Variants in PARD3B observed in about 807,000 individuals in gnomAD.
The protein encoded by PARD3B is par-3 family cell polarity regulator beta, also known as partitioning defective 3 homolog B.
Under a neutral mutation model 130.2 loss-of-function variants are expected in PARD3B, and 103 were observed. That is an observed-to-expected ratio of 0.79 (90% CI 0.67 to 0.93). PARD3B has a LOEUF of 0.93. Ranked by LOEUF, PARD3B falls within the 40% of genes least tolerant of loss-of-function variation. The probability of loss-of-function intolerance (pLI) is 0.00; values close to 1 mark genes in which losing one functional copy is unlikely to be tolerated. For missense variants in PARD3B, 1,609 were observed against 1,499.2 expected, an observed-to-expected ratio of 1.07 and a Z score of -1.21; for synonymous variants, 583 against 553.2, an observed-to-expected ratio of 1.05 and a Z score of -0.76.
chr2:205,443,008 A>G (rs1038869844), intron 20 of PARD3B, among the ~76,000 whole-genome samples: 5 of 152,288 alleles, frequency 3.3e-5, no homozygotes, highest in African/African-American at 1.2e-4. Context: ...ACTCAGAATT[A>G]TCTTTATCCT....
chr2:204,821,017 G>T (rs1277259366), intron 2 of PARD3B, among the ~76,000 whole-genome samples: 2 of 152,224 alleles, frequency 1.3e-5, no homozygotes, highest in Non-Finnish European at 2.9e-5. Context: ...TCAGAAACCA[G>T]ATTCCTTTCA....
At chr2:204,841,319 G>T (rs2044253535) in intron 2 of PARD3B, among the ~76,000 whole-genome samples, 1 of 152,122 alleles carries the variant, frequency 6.6e-6, no homozygotes, top group South Asian at 2.1e-4. Flanking sequence ...AAAGGTGCAT[G>T]CCCACATTGA....
intron 1 of PARD3B, among the ~76,000 whole-genome samples, chr2:204,557,418 C>T (rs1362992145): frequency 6.6e-6 from 1 of 152,180 alleles, no homozygotes; most frequent in Non-Finnish European, 1.5e-5. Context: ...TCCAGTCGCT[C>T]AGAAATTTCC....
intron 2 of PARD3B, among the ~76,000 whole-genome samples, chr2:204,946,099 G>A (rs570367442): frequency 1.3e-5 from 2 of 152,132 alleles, no homozygotes; most frequent in Non-Finnish European, 2.9e-5. Context: ...TTTCTGGCCT[G>A]GTATTTTGCT....
chr2:205,438,968 T>C (rs1354734980), intron 19 of PARD3B, among the ~76,000 whole-genome samples: 1 of 152,190 alleles, frequency 6.6e-6, no homozygotes, highest in Non-Finnish European at 1.5e-5. Context: ...TGTTTTTTGC[T>C]TTTTGCTTCC....
chr2:204,698,549 G>T (rs954376617), intron 2 of PARD3B, among the ~76,000 whole-genome samples: 2 of 147,164 alleles, frequency 1.4e-5, no homozygotes, highest in African/African-American at 2.5e-5. Flanking sequence ...TGTTGATTGG[G>T]TTTTTTTTTT....
intron 3 of PARD3B, among the ~76,000 whole-genome samples, chr2:205,045,113 T>G (rs1450779361): frequency 3.6e-5 from 3 of 83,140 alleles, no homozygotes; most frequent in African/African-American, 1.2e-4. Flanking sequence ...CATCTTAAAG[T>G]TTTTTTTTTT....
At chr2:205,193,982 C>T (rs2036536505) in intron 15 of PARD3B, among the ~76,000 whole-genome samples, 1 of 152,102 alleles carries the variant, frequency 6.6e-6, no homozygotes, top group South Asian at 2.1e-4. Flanking sequence ...AGCAAGGGCC[C>T]CTGTTAACTG....
At chr2:205,184,543 C>T (rs938529032) in intron 13 of PARD3B, among the ~76,000 whole-genome samples, 1 of 152,044 alleles carries the variant, frequency 6.6e-6, no homozygotes, top group South Asian at 2.1e-4. Flanking sequence ...GAGATCAAGA[C>T]CATCCTGGCT....
At chr2:205,430,686 C>T (rs1674053013) in intron 19 of PARD3B, among the ~76,000 whole-genome samples, 1 of 152,156 alleles carries the variant, frequency 6.6e-6, no homozygotes. Context: ...AGAAATCCAG[C>T]ACATGGGACC....
At chr2:205,391,125 C>G (rs1204049476) in intron 18 of PARD3B, among the ~76,000 whole-genome samples, 1 of 152,224 alleles carries the variant, frequency 6.6e-6, no homozygotes, top group Non-Finnish European at 1.5e-5. Context: ...AACGGGCAAC[C>G]TCCCACAGTT....
Position 205,440,696 on chromosome 2 carries a change from A to G in PARD3B, c.3044+24A>G. On this transcript the variant is annotated intron_variant, in intron 20 of 22. Transcript: ENST00000406610. The surrounding 1 kb of genome is among the most constrained non-coding windows in gnomAD (Gnocchi z 4.2). The stretch of plus-strand genomic sequence containing the variant: ...AGGTAATAAACTTAGTGAAAGATAA[A>G]TGTAGCTTTAATTCAGTATGTTTCA... 2.5e-6 allele frequency: 4 copies of G among 1,584,612 alleles called. No homozygotes were observed. In the South Asian group the frequency reaches 3.3e-5, roughly 13 times the overall value.
intron 2 of PARD3B, among the ~76,000 whole-genome samples, chr2:204,846,389 A>G (rs1217207804): frequency 6.6e-6 from 1 of 152,028 alleles, no homozygotes; most frequent in Admixed American, 6.6e-5. Flanking sequence ...AGGCATTCAA[A>G]TGCTAGGTAT....
intron 15 of PARD3B, among the ~76,000 whole-genome samples, chr2:205,207,114 A>T (rs1319709992): frequency 7.0e-6 from 1 of 143,478 alleles, no homozygotes; most frequent in East Asian, 2.0e-4. Flanking sequence ...CTCCTGAATG[A>T]CTACTGGGTA....
chr2:204,567,574 C>A (rs1487077209), intron 1 of PARD3B, among the ~76,000 whole-genome samples: 1 of 152,186 alleles, frequency 6.6e-6, no homozygotes, highest in Non-Finnish European at 1.5e-5. Context: ...AAGAATATTT[C>A]TTTGTATGTA....
chr2:204,669,097 C>T lies in PARD3B; in HGVS notation c.121-17084C>T, dbSNP rs566759460. On this transcript the variant is annotated intron_variant, in intron 1 of 22. Coordinates refer to ENST00000406610, the MANE Select transcript of PARD3B (RefSeq NM_001302769.2). This position sits in a 1 kb window ranked among gnomAD's most constrained non-coding sequence, Gnocchi z 4.3. ...GTAAGATCCACGCCTGACTTCAGGC[C>T]TGCAGAATTAGAAGATAATAAATCA... 6.6e-6 allele frequency among the ~76,000 whole-genome samples: 1 copy of T among 152,266 alleles called. No homozygotes were observed. Among genetic ancestry groups the T allele is most frequent in the East Asian group, 1.9e-4 (1 of 5,186 alleles).
chr2:205,108,257 A>G (rs368680712), intron 5 of PARD3B, among the ~76,000 whole-genome samples: 2 of 152,094 alleles, frequency 1.3e-5, no homozygotes, highest in African/African-American at 4.8e-5. Context: ...CCCTTTTCCA[A>G]TTGGTGTCAC....
chr2:204,617,993 C>G (rs2034172106), intron 1 of PARD3B, among the ~76,000 whole-genome samples: 1 of 152,160 alleles, frequency 6.6e-6, no homozygotes, highest in Non-Finnish European at 1.5e-5. Context: ...GTGAATAGTG[C>G]TATGATGAAC....
chr2:205,139,287 C>T (rs997508300), intron 10 of PARD3B, among the ~76,000 whole-genome samples: 2 of 152,038 alleles, frequency 1.3e-5, no homozygotes, highest in Non-Finnish European at 2.9e-5. Flanking sequence ...TGTACCCACA[C>T]CCACAGTCAT....
Sources: gnomAD v4.1 joint callset for allele counts (sites outside exome capture counted in the v4.1 genomes callset) on GRCh38, gnomAD v4.1.1 for gene constraint, Gnocchi (gnomAD v3.1) non-coding constraint, MANE v1.5 for transcripts, NCBI Gene and HGNC (gene_info 2026-07-23, HGNC 2026-07-21) for gene names.